The following C1GALT1 variants were observed in gnomAD, a reference collection of about 807,000 sequenced individuals.
C1GALT1 encodes glycoprotein-N-acetylgalactosamine 3-beta-galactosyltransferase 1.
C1GALT1 carries 11 observed loss-of-function variants against 31.0 expected under a neutral mutation model. That is an observed-to-expected ratio of 0.36 (90% CI 0.22 to 0.59). The LOEUF (loss-of-function observed/expected upper bound fraction) is 0.59. Ranked by LOEUF, C1GALT1 falls within the 20% of genes least tolerant of loss-of-function variation. The pLI is 0.79. For missense variants in C1GALT1, 424 were observed against 425.2 expected (o/e 1.00, Z 0.03); for synonymous variants, 175 against 143.6 (o/e 1.22, Z -1.56).
At chr7:7,237,217 C>G (rs779186627) in intron 2 of C1GALT1, among the ~76,000 whole-genome samples, 1 of 151,834 alleles carries the variant, frequency 6.6e-6, no homozygotes, top group Non-Finnish European at 1.5e-5. Context: ...AAAAATTGGC[C>G]TTTCACCACA....
At chr7:7,174,887 T>C (rs1471082380) in intron 2 of C1GALT1, among the ~76,000 whole-genome samples, 1 of 152,200 alleles carries the variant, frequency 6.6e-6, no homozygotes, top group Non-Finnish European at 1.5e-5. Flanking sequence ...TTCATTTCCA[T>C]GTTTAGCATT....
chr7:7,197,832 G>A (rs1422841616), intron 1 of C1GALT1, among the ~76,000 whole-genome samples: 2 of 151,994 alleles, frequency 1.3e-5, no homozygotes, highest in East Asian at 1.9e-4. Context: ...CTCATGATTT[G>A]GCTCTCTGTC....
intron 2 of C1GALT1, among the ~76,000 whole-genome samples, chr7:7,175,827 A>T (rs1321842120): frequency 1.3e-5 from 2 of 151,876 alleles, no homozygotes; most frequent in African/African-American, 4.8e-5. Context: ...TCTGGTTTAT[A>T]GATGATAGGC....
chr7:7,234,118 A>T lies in C1GALT1; in HGVS notation c.-17-185A>T, dbSNP rs1783220372. On this transcript the variant is annotated intron_variant, in intron 1 of 3. Coordinates refer to ENST00000436587, the MANE Select transcript of C1GALT1 (RefSeq NM_020156.5). ...CCAACTGTGACTGTCCTACTAATTA[A>T]TCTGGTTTTATGGATTTTCCATAAT... The T allele has an allele frequency of 1.4e-5, 8 of 584,414 alleles. No individual in the cohort carries two copies. The South Asian group carries it at 1.7e-4, about 12-fold the overall frequency. 36.2% of individuals were successfully genotyped at this position (584,414 alleles called of 1,614,324 possible). A position where few individuals can be genotyped will look rare whatever the true frequency, so the allele number is the denominator to read the frequency against.
intron 1 of C1GALT1, among the ~76,000 whole-genome samples, chr7:7,220,490 A>G (rs1307392302): frequency 6.6e-6 from 1 of 152,156 alleles, no homozygotes; most frequent in Middle Eastern, 3.2e-3. Flanking sequence ...GCATTGATCT[A>G]AACAAAATCT....
At chr7:7,225,125 A>G (rs1265653583) in intron 1 of C1GALT1, among the ~76,000 whole-genome samples, 1 of 151,970 alleles carries the variant, frequency 6.6e-6, no homozygotes, top group African/African-American at 2.4e-5. Context: ...TCTGCTCTTT[A>G]TTATTTTATT....
upstream of C1GALT1, among the ~76,000 whole-genome samples, chr7:7,180,311 T>C (rs1384407465): frequency 6.6e-6 from 1 of 152,246 alleles, no homozygotes; most frequent in Non-Finnish European, 1.5e-5. Context: ...CTGACATTAA[T>C]GTCACTTCTA....
Position 7,203,790 on chromosome 7 carries a change from A to G in C1GALT1, c.-18+20970A>G, listed in dbSNP as rs527359440. On this transcript the variant is annotated intron_variant, in intron 1 of 3. Transcript: ENST00000436587. Reference sequence around the variant, plus strand: ...ATGTATCAGGGTAATTAGCATATCCATGATCTCAAACACTTCTTTGTGTTG... The same window carrying G: ...ATGTATCAGGGTAATTAGCATATCCGTGATCTCAAACACTTCTTTGTGTTG... Among the ~76,000 whole-genome samples the G allele has an allele frequency of 1.4e-4, 21 of 152,272 alleles. No homozygotes were observed. In the East Asian group the frequency reaches 2.7e-3, roughly 20 times the overall value.
At chr7:7,202,439 A>C (rs551835240) in intron 1 of C1GALT1, among the ~76,000 whole-genome samples, 1 of 152,156 alleles carries the variant, frequency 6.6e-6, no homozygotes, top group African/African-American at 2.4e-5. Flanking sequence ...ATTCTTTTGC[A>C]TGTGGATATC....
intron 1 of C1GALT1, among the ~76,000 whole-genome samples, chr7:7,213,629 C>G (rs1042236097): frequency 6.6e-6 from 1 of 152,084 alleles, no homozygotes; most frequent in African/African-American, 2.4e-5. Flanking sequence ...AGGCAAAAAT[C>G]TTTCATTAGC....
rs761991666 is a variant in C1GALT1 at position 7,234,516 on chromosome 7, A to G, written c.197A>G (p.Asn66Ser). ...QNHLEGQMNF[N>S]ADSSQHKDEN... ...CATCTAGAAGGACAAATGAACTTCA[A>G]TGCAGATTCTAGCCAACATAAAGGT... is the stretch of plus-strand genomic sequence containing the variant. The change falls in exon 2 of 4, where the codon AAT becomes AGT. Residue 66 changes from asparagine to serine, a missense_variant. This residue lies in a region of C1GALT1 where 189 missense variants were observed against 158.2 expected (regional missense o/e 1.19). Transcript: ENST00000436587. 9.9e-6 allele frequency: 16 copies of G among 1,611,782 alleles called. No individual in the cohort carries two copies. The highest frequency in any genetic ancestry group is 1.6e-4 in the Middle Eastern group (1 of 6,078).
At chr7:7,184,017 T>G (rs1780706572) in intron 1 of C1GALT1, among the ~76,000 whole-genome samples, 2 of 152,236 alleles carry the variant, frequency 1.3e-5, no homozygotes, top group Admixed American at 1.3e-4. Context: ...GGTGTGAGTT[T>G]GGGAAGTTGG....
chr7:7,165,689 G>T (rs903028222), intron 2 of C1GALT1, among the ~76,000 whole-genome samples: 4 of 152,016 alleles, frequency 2.6e-5, no homozygotes, highest in Non-Finnish European at 2.9e-5. Context: ...ATGAATAGTT[G>T]TAAGCACCAA....
intron 1 of C1GALT1, among the ~76,000 whole-genome samples, chr7:7,183,923 G>A (rs1583739072): frequency 6.6e-6 from 1 of 152,188 alleles, no homozygotes; most frequent in African/African-American, 2.4e-5. Flanking sequence ...GTAAGGGAGA[G>A]AAATATGTTA....
intron 1 of C1GALT1, among the ~76,000 whole-genome samples, chr7:7,204,375 C>T (rs1037842388): frequency 6.6e-6 from 1 of 151,932 alleles, no homozygotes; most frequent in African/African-American, 2.4e-5. Context: ...ATAGTATCCT[C>T]TTATCATCCT....
chr7:7,160,926 T>C (rs1388604022), intron 2 of C1GALT1, among the ~76,000 whole-genome samples: 1 of 151,934 alleles, frequency 6.6e-6, no homozygotes, highest in Non-Finnish European at 1.5e-5. Context: ...GCAGAAGTAA[T>C]GAGTATTGAG....
intron 2 of C1GALT1, among the ~76,000 whole-genome samples, chr7:7,173,069 A>G (rs528712125): frequency 6.6e-6 from 1 of 152,164 alleles, no homozygotes; most frequent in African/African-American, 2.4e-5. Flanking sequence ...TAGTTTGGAT[A>G]TTTCTCTTTG....
chr7:7,215,236 T>C (rs1782181097), intron 1 of C1GALT1, among the ~76,000 whole-genome samples: 1 of 152,166 alleles, frequency 6.6e-6, no homozygotes, highest in Admixed American at 6.5e-5. Flanking sequence ...CATCCTAACC[T>C]AAGGTACCCT....
chr7:7,179,389 A>T (rs954956851), upstream of C1GALT1, among the ~76,000 whole-genome samples: 1 of 152,254 alleles, frequency 6.6e-6, no homozygotes, highest in African/African-American at 2.4e-5. Flanking sequence ...TGAGTTAATA[A>T]AATTTAATAC....
Sources: allele counts gnomAD v4.1 joint callset (sites outside exome capture counted in the v4.1 genomes callset), GRCh38; gene constraint gnomAD v4.1.1; regional missense constraint gnomAD v4.1.1; transcripts MANE v1.5; gene names NCBI Gene and HGNC (gene_info 2026-07-23, HGNC 2026-07-21).